The following ZBTB20 variants were observed in gnomAD, a reference collection of about 807,000 sequenced individuals.
ZBTB20 encodes the protein zinc finger and BTB domain-containing protein 20.
Under a neutral mutation model 56.9 loss-of-function variants are expected in ZBTB20, and 9 were observed. The observed-to-expected ratio is 0.16, with a 90% CI of 0.10 to 0.28. The LOEUF is 0.28. Among genes scored for constraint, ZBTB20 ranks in the 10% least tolerant of loss-of-function variants. The pLI, the probability that ZBTB20 is intolerant of heterozygous loss-of-function variation, is 1.00. For synonymous variants in ZBTB20, 417 were observed against 420.7 expected, an observed-to-expected ratio of 0.99 and a Z score of 0.11; for missense variants, 655 against 1,003.0, an observed-to-expected ratio of 0.65 and a Z score of 4.69.
rs370366972 is a variant in ZBTB20 at position 114,675,129 on chromosome 3, G to A, written c.-295+18399C>T. Among the ~76,000 whole-genome samples the A allele has an allele frequency of 5.3e-5, 8 of 150,244 alleles. No individual in the cohort carries two copies. The East Asian group carries it at 1.4e-3, about 26-fold the overall frequency. On this transcript the variant is annotated intron_variant, in intron 6 of 11. Coordinates refer to ENST00000675478, the MANE Select transcript of ZBTB20 (RefSeq NM_001348800.3). ...AATTTTTAATTTTATTTTATTTGCTGTATAGCTAACAGCATAGCCAATGCC... is the reference window on the plus strand; with the variant it reads ...AATTTTTAATTTTATTTTATTTGCTATATAGCTAACAGCATAGCCAATGCC...
intron 10 of ZBTB20, among the ~76,000 whole-genome samples, chr3:114,360,382 C>A (rs2081711791): frequency 6.7e-6 from 1 of 148,240 alleles, no homozygotes; most frequent in South Asian, 2.1e-4. Context: ...CTTGTTCTGT[C>A]CCCTAGGCTG....
chr3:115,075,319 T>C (rs921506491), intron 1 of ZBTB20, among the ~76,000 whole-genome samples: 2 of 152,174 alleles, frequency 1.3e-5, no homozygotes, highest in African/African-American at 4.8e-5. Context: ...ACCATCATTC[T>C]ATTCCTTGAT....
chr3:115,112,060 T>C (rs1338128317), intron 1 of ZBTB20, among the ~76,000 whole-genome samples: 1 of 152,214 alleles, frequency 6.6e-6, no homozygotes, highest in African/African-American at 2.4e-5. Flanking sequence ...CAGATCACTG[T>C]TAGTTCTCAA....
intron 2 of ZBTB20, among the ~76,000 whole-genome samples, chr3:115,032,213 T>A (rs1205147322): frequency 6.6e-6 from 1 of 151,422 alleles, no homozygotes; most frequent in Non-Finnish European, 1.5e-5. Flanking sequence ...GATTGCGCTT[T>A]CTTTATAAAA....
At chr3:114,806,827 G>A (rs373714848) in intron 4 of ZBTB20, among the ~76,000 whole-genome samples, 16 of 151,872 alleles carry the variant, frequency 1.1e-4, no homozygotes, top group African/African-American at 3.6e-4. Flanking sequence ...CATTTATATC[G>A]CATATAATCC....
At chr3:115,144,719 A>T (rs1426770129) in intron 1 of ZBTB20, 2 of 152,152 alleles carry the variant, frequency 1.3e-5, no homozygotes, top group Non-Finnish European at 2.9e-5. Flanking sequence ...ACGGGCCTAG[A>T]TGGGTAAGCA....
At chr3:114,633,596 C>T (rs1257179546) in intron 6 of ZBTB20, among the ~76,000 whole-genome samples, 1 of 152,100 alleles carries the variant, frequency 6.6e-6, no homozygotes, top group Non-Finnish European at 1.5e-5. Context: ...TGGATTTTTA[C>T]CTGTTCTCAT....
intron 1 of ZBTB20, among the ~76,000 whole-genome samples, chr3:115,110,740 G>A (rs2083854870): frequency 1.3e-5 from 2 of 152,150 alleles, no homozygotes; most frequent in African/African-American, 2.4e-5. Flanking sequence ...TGTAATCCCA[G>A]CACTTTGGGA....
intron 5 of ZBTB20, among the ~76,000 whole-genome samples, chr3:114,766,116 AAATTAAAAG>A (rs1374701631): frequency 1.3e-5 from 2 of 152,196 alleles, no homozygotes; most frequent in African/African-American, 4.8e-5. Flanking sequence ...ATCTACATAA[AAATTAAAAG>A]GCATTCATCC....
At chr3:114,558,854 C>T (rs2051617239) in intron 6 of ZBTB20, among the ~76,000 whole-genome samples, 1 of 152,138 alleles carries the variant, frequency 6.6e-6, no homozygotes, top group African/African-American at 2.4e-5. Context: ...TGTCATAATT[C>T]ACATGCCTAG....
intron 2 of ZBTB20, among the ~76,000 whole-genome samples, chr3:115,036,699 C>A (rs953130353): frequency 6.6e-6 from 1 of 152,070 alleles, no homozygotes; most frequent in Admixed American, 6.6e-5. Context: ...AGGTGTGCAC[C>A]GCAGCGCCCG....
At chr3:114,456,527 T>C (rs2092031261) in intron 7 of ZBTB20, among the ~76,000 whole-genome samples, 1 of 152,180 alleles carries the variant, frequency 6.6e-6, no homozygotes, top group Admixed American at 6.5e-5. Context: ...CAGCATACTA[T>C]GTAGTTTTAA....
At chr3:114,712,883 G>C (rs1281733409) in intron 5 of ZBTB20, among the ~76,000 whole-genome samples, 1 of 152,158 alleles carries the variant, frequency 6.6e-6, no homozygotes, top group Non-Finnish European at 1.5e-5. Flanking sequence ...GGAGGGATGT[G>C]AGCTTTTCCG....
intron 6 of ZBTB20, chr3:114,687,669 T>C (rs2062429522): frequency 1.3e-5 from 2 of 151,190 alleles, no homozygotes; most frequent in South Asian, 4.2e-4. Context: ...ACATAGTTTG[T>C]TGAAATAATA....
At chr3:114,979,260 G>A (rs1217267626) in intron 2 of ZBTB20, among the ~76,000 whole-genome samples, 2 of 151,926 alleles carry the variant, frequency 1.3e-5, no homozygotes, top group Admixed American at 6.6e-5. Flanking sequence ...AATGTTCATC[G>A]ATTTCAATGA....
intron 1 of ZBTB20, among the ~76,000 whole-genome samples, chr3:115,129,143 T>C (rs2084428687): frequency 6.6e-6 from 1 of 152,158 alleles, no homozygotes; most frequent in Non-Finnish European, 1.5e-5. Context: ...TAACATCATG[T>C]CTACTACTGG....
intron 7 of ZBTB20, among the ~76,000 whole-genome samples, chr3:114,424,581 T>C (rs1482380795): frequency 2.0e-5 from 3 of 152,196 alleles, no homozygotes; most frequent in Non-Finnish European, 4.4e-5. Flanking sequence ...CCAGAATGTA[T>C]TAACATGGGA....
At chr3:114,665,640 A>G (rs1315204499) in intron 6 of ZBTB20, among the ~76,000 whole-genome samples, 1 of 152,086 alleles carries the variant, frequency 6.6e-6, no homozygotes, top group African/African-American at 2.4e-5. Context: ...TTCAAATGCC[A>G]TGTTCCTATA....
chr3:115,004,282 G>T (rs1173840642), intron 2 of ZBTB20, among the ~76,000 whole-genome samples: 1 of 151,564 alleles, frequency 6.6e-6, no homozygotes, highest in Non-Finnish European at 1.5e-5. Flanking sequence ...GTACAGAAAG[G>T]TACCTATAAA....
Sources: gnomAD v4.1 joint callset for allele counts (sites outside exome capture counted in the v4.1 genomes callset) on GRCh38, gnomAD v4.1.1 for gene constraint, MANE v1.5 for transcripts, NCBI Gene and HGNC (gene_info 2026-07-23, HGNC 2026-07-21) for gene names.